ZFHX3: variants seen among roughly 807,000 people sequenced by gnomAD.
ZFHX3 encodes the protein zinc finger homeobox 3.
ZFHX3 carries 42 observed loss-of-function variants against 279.1 expected under a neutral mutation model. That is an observed-to-expected ratio of 0.15 (90% CI 0.12 to 0.19). The LOEUF (loss-of-function observed/expected upper bound fraction) is 0.19, where lower values mean the gene tolerates loss of function less well. Ranked by LOEUF, ZFHX3 falls within the 10% of genes least tolerant of loss-of-function variation. ZFHX3 has a pLI of 1.00. For missense variants in ZFHX3, 4,981 were observed against 4,754.0 expected, an observed-to-expected ratio of 1.05 and a Z score of -1.40; for synonymous variants, 2,293 against 1,957.8, an observed-to-expected ratio of 1.17 and a Z score of -4.52.
At chr16:73,256,563 G>T (rs188695187) in intron 5 of ZFHX3, among the ~76,000 whole-genome samples, 1 of 152,280 alleles carries the variant, frequency 6.6e-6, no homozygotes, top group East Asian at 1.9e-4. Flanking sequence ...TTTTTAGCAG[G>T]CACTCCAGTG....
chr16:73,139,075 C>T (rs28655167), intron 6 of ZFHX3, among the ~76,000 whole-genome samples: 17,223 of 152,128 alleles, frequency 0.11, 980 homozygotes, highest in East Asian at 0.14. Flanking sequence ...CCAGCAATTC[C>T]GCCTTACAGA....
intron 1 of ZFHX3, among the ~76,000 whole-genome samples, chr16:73,009,924 G>A (rs1192898374): frequency 2.0e-5 from 3 of 150,852 alleles, no homozygotes; most frequent in Admixed American, 6.7e-5. Context: ...AGGAGGCTGA[G>A]GCAGGAGAAT....
chr16:73,011,044 T>C (rs1263610783), intron 1 of ZFHX3, among the ~76,000 whole-genome samples: 1 of 152,120 alleles, frequency 6.6e-6, no homozygotes, highest in Non-Finnish European at 1.5e-5. Flanking sequence ...TACAGTGGCG[T>C]GATCTTGGCT....
At chr16:73,440,106 C>A (rs2018064004) in intron 3 of ZFHX3, among the ~76,000 whole-genome samples, 1 of 152,012 alleles carries the variant, frequency 6.6e-6, no homozygotes, top group Admixed American at 6.6e-5. Flanking sequence ...GGAGGAATAA[C>A]CACAGAGTAT....
chr16:73,271,461 G>A (rs1265733426), intron 4 of ZFHX3, among the ~76,000 whole-genome samples: 2 of 152,188 alleles, frequency 1.3e-5, no homozygotes, highest in Non-Finnish European at 2.9e-5. Context: ...AAGCTGTCAA[G>A]AGCTTGGGGC....
chr16:73,481,736 T>C (rs1381870296), intron 2 of ZFHX3, among the ~76,000 whole-genome samples: 1 of 152,102 alleles, frequency 6.6e-6, no homozygotes, highest in African/African-American at 2.4e-5. Context: ...CAAGTGATCC[T>C]CCCACCTCTG....
At chr16:73,532,667 A>C (rs1463503756) in intron 2 of ZFHX3, among the ~76,000 whole-genome samples, 1 of 152,150 alleles carries the variant, frequency 6.6e-6, no homozygotes, top group Admixed American at 6.5e-5. Flanking sequence ...TTGTGCCTAC[A>C]TTTCCTTATT....
chr16:73,839,865 A>G (rs1427189576), intron 1 of ZFHX3, among the ~76,000 whole-genome samples: 1 of 152,158 alleles, frequency 6.6e-6, no homozygotes, highest in African/African-American at 2.4e-5. Flanking sequence ...GGTCCACACC[A>G]ACCTCTGAAG....
chr16:72,958,052 C>T lies in ZFHX3; in HGVS notation c.2094G>A (p.Gly698=). 6.2e-7 allele frequency: 1 copy of T among 1,613,772 alleles called. No homozygotes were observed. The highest frequency in any genetic ancestry group is 8.5e-7 in the Non-Finnish European group (1 of 1,180,032). ...AHMKEKHPEP[G]GSCVYCKSGQ... ...CGCTTTTGCAGTAGACACAGGAGCC[C>T]CCCGGCTCCGGGTGCTTCTCCTTCA... The change falls in exon 2 of 10, where the codon GGG becomes GGA. Residue 698 remains glycine, a synonymous_variant. Transcript: ENST00000268489.
intron 7 of ZFHX3, among the ~76,000 whole-genome samples, chr16:73,120,650 CTTTT>C (rs1174733016): frequency 9.0e-6 from 1 of 110,726 alleles, no homozygotes; most frequent in Non-Finnish European, 1.7e-5. Context: ...TCCTCTCTAC[CTTTT>C]TTTTTTTTTT....
intron 1 of ZFHX3, among the ~76,000 whole-genome samples, chr16:72,989,156 A>G (rs1962967140): frequency 6.6e-6 from 1 of 151,452 alleles, no homozygotes; most frequent in Non-Finnish European, 1.5e-5. Flanking sequence ...CCTGGGCAAG[A>G]CAGCAAGACG....
At chr16:73,770,913 A>T (rs985635725) in intron 1 of ZFHX3, among the ~76,000 whole-genome samples, 1 of 152,168 alleles carries the variant, frequency 6.6e-6, no homozygotes, top group Non-Finnish European at 1.5e-5. Context: ...GGATGGATGG[A>T]TCACTTTTCT....
intron 1 of ZFHX3, among the ~76,000 whole-genome samples, chr16:73,773,696 C>T (rs2054045880): frequency 6.6e-6 from 1 of 152,188 alleles, no homozygotes; most frequent in Non-Finnish European, 1.5e-5. Context: ...CGTGACATTT[C>T]ACATAATTTC....
chr16:73,505,184 A>T (rs561110751), intron 2 of ZFHX3, among the ~76,000 whole-genome samples: 1 of 152,158 alleles, frequency 6.6e-6, no homozygotes, highest in Non-Finnish European at 1.5e-5. Context: ...GCCTTTTCAG[A>T]TGAATGTGCT....
intron 7 of ZFHX3, 74 bp downstream of exon 7, chr16:72,811,503 G>GT (rs2036445877): frequency 7.3e-7 from 1 of 1,373,012 alleles, no homozygotes; most frequent in Non-Finnish European, 9.8e-7. Flanking sequence ...CAATAATACA[G>GT]TATCTTGCCC....
At chr16:73,280,002 A>T (rs1339773813) in intron 4 of ZFHX3, among the ~76,000 whole-genome samples, 1 of 152,250 alleles carries the variant, frequency 6.6e-6, no homozygotes, top group East Asian at 1.9e-4. Context: ...CAAGAGTACC[A>T]AGAATACACA....
intron 4 of ZFHX3, among the ~76,000 whole-genome samples, chr16:73,271,920 C>G (rs1299171281): frequency 6.6e-6 from 1 of 152,160 alleles, no homozygotes; most frequent in Non-Finnish European, 1.5e-5. Flanking sequence ...GGTTTTACAC[C>G]CTTCTTTCCA....
chr16:73,085,985 C>CAAAAAAAAAAAAAAA (rs57128744), intron 8 of ZFHX3, among the ~76,000 whole-genome samples: 12 of 54,198 alleles, frequency 2.2e-4, no homozygotes, highest in South Asian at 7.0e-4. Context: ...AACTCAATTG[C>CAAAAAAAAAAAAAAA]AAAAAAAAAA....
intron 1 of ZFHX3, among the ~76,000 whole-genome samples, chr16:73,846,482 A>C (rs796682225): frequency 9.2e-5 from 14 of 152,166 alleles, no homozygotes; most frequent in African/African-American, 2.9e-4. Context: ...TGTTTAACCC[A>C]AGTATTCCCT....
Sources: gnomAD v4.1 joint callset for allele counts (sites outside exome capture counted in the v4.1 genomes callset) on GRCh38, gnomAD v4.1.1 for gene constraint, MANE v1.5 for transcripts, NCBI Gene and HGNC (gene_info 2026-07-23, HGNC 2026-07-21) for gene names.